Variants in ATXN2 observed in about 807,000 individuals in gnomAD.
ATXN2 encodes ataxin-2.
In ATXN2, 37 loss-of-function variants were observed where a neutral mutation model predicts 138.6. The ratio of observed to expected loss-of-function variants is 0.27; its 90% CI spans 0.21 to 0.35. ATXN2 has a LOEUF of 0.35. Ranked by LOEUF, ATXN2 falls within the 10% of genes least tolerant of loss-of-function variation. ATXN2 has a pLI of 1.00. For missense variants in ATXN2, 1,216 were observed against 1,480.3 expected (o/e 0.82, Z 2.93); for synonymous variants, 549 against 543.7 (o/e 1.01, Z -0.13).
At chr12:111,543,946 C>T (rs2135774478) in intron 5 of ATXN2, among the ~76,000 whole-genome samples, 1 of 152,208 alleles carries the variant, frequency 6.6e-6, no homozygotes, top group Middle Eastern at 3.4e-3. Flanking sequence ...GGCATAGCGG[C>T]GTGCACCTGT....
At chr12:111,510,636 T>G in intron 11 of ATXN2, 54 bp from the exon 12 acceptor site, 1 of 1,478,402 alleles carries the variant, frequency 6.8e-7, no homozygotes, top group Non-Finnish European at 9.2e-7. Context: ...TGTTACTTCC[T>G]AAAAGAGGCT....
intron 1 of ATXN2, among the ~76,000 whole-genome samples, chr12:111,592,644 G>A (rs916294591): frequency 1.3e-4 from 20 of 150,792 alleles, no homozygotes; most frequent in East Asian, 2.0e-4. Flanking sequence ...TTAGCCAGGC[G>A]TGGTGGTGTG....
chr12:111,580,728 C>T (rs1592924899), intron 1 of ATXN2, among the ~76,000 whole-genome samples: 1 of 128,734 alleles, frequency 7.8e-6, no homozygotes, highest in South Asian at 2.5e-4. Context: ...TTGGGAGAGA[C>T]AGAGAAAGAA....
At chr12:111,537,895 A>C (rs941991081) in intron 5 of ATXN2, among the ~76,000 whole-genome samples, 1 of 152,034 alleles carries the variant, frequency 6.6e-6, no homozygotes, top group Non-Finnish European at 1.5e-5. Context: ...CCAGAGTTTG[A>C]GACCAGCCTG....
intron 1 of ATXN2, among the ~76,000 whole-genome samples, chr12:111,567,867 A>C (rs1264632646): frequency 6.6e-6 from 1 of 152,202 alleles, no homozygotes; most frequent in East Asian, 1.9e-4. Context: ...GTGTTACTTA[A>C]TTAACAAGCA....
At chr12:111,525,984 C>A (rs1262842240) in intron 5 of ATXN2, among the ~76,000 whole-genome samples, 1 of 151,770 alleles carries the variant, frequency 6.6e-6, no homozygotes, top group African/African-American at 2.4e-5. Context: ...GCCCAGCCCA[C>A]ATGAAGCATA....
chr12:111,466,120 C>T (rs190721539), intron 20 of ATXN2, among the ~76,000 whole-genome samples: 50 of 150,142 alleles, frequency 3.3e-4, no homozygotes, highest in African/African-American at 1.1e-3. Context: ...GAGCTGAGAT[C>T]GCGCCACTGC....
chr12:111,539,519 G>A (rs1182907448), intron 5 of ATXN2, among the ~76,000 whole-genome samples: 1 of 150,182 alleles, frequency 6.7e-6, no homozygotes, highest in South Asian at 2.1e-4. Context: ...AGGCCGAGGC[G>A]GATGGATCAC....
intron 1 of ATXN2, among the ~76,000 whole-genome samples, chr12:111,571,495 A>C (rs1883311379): frequency 1.3e-5 from 2 of 152,242 alleles, no homozygotes; most frequent in South Asian, 2.1e-4. Flanking sequence ...AAGTATGAGG[A>C]TCTCGAATGG....
intron 6 of ATXN2, 49 bp downstream of exon 6, chr12:111,525,143 G>C (rs766335446): frequency 3.5e-5 from 55 of 1,563,974 alleles, no homozygotes; most frequent in Middle Eastern, 3.4e-4. Flanking sequence ...CAAGTGACAG[G>C]ATGTCATACT....
intron 18 of ATXN2, chr12:111,471,409 T>C (rs1267555787): frequency 6.6e-6 from 1 of 152,344 alleles, no homozygotes; most frequent in East Asian, 1.9e-4. Flanking sequence ...TTTTTCCAGT[T>C]CCTCCAGCAC....
chr12:111,453,180 C>T lies in ATXN2; in HGVS notation c.3440-340G>A. On this transcript the variant is annotated intron_variant, in intron 24 of 24. Transcript: ENST00000673436. This position sits in a 1 kb window ranked among gnomAD's most constrained non-coding sequence, Gnocchi z 5.4. ...AGACTGTGAAGTATCGCCATGGCAG[C>T]CATCAAGTAGTAGAGCACAATCACA... 1 of 1,130,848 alleles carries T rather than the reference C, an allele frequency of 8.8e-7. No individual in the cohort carries two copies. Among genetic ancestry groups the T allele is most frequent in the Non-Finnish European group, 1.1e-6 (1 of 922,062 alleles). The allele number at this position is 1,130,848 out of a possible 1,614,324, so 70.1% of individuals were successfully genotyped here. A position where few individuals can be genotyped will look rare whatever the true frequency, so the allele number is the denominator to read the frequency against.
intron 14 of ATXN2, among the ~76,000 whole-genome samples, chr12:111,489,987 G>C (rs1211909420): frequency 6.6e-6 from 1 of 151,722 alleles, no homozygotes; most frequent in Non-Finnish European, 1.5e-5. Flanking sequence ...TGGATCACTT[G>C]AGGTCAGGAG....
At chr12:111,575,906 AC>A (rs1318403416) in intron 1 of ATXN2, among the ~76,000 whole-genome samples, 1 of 151,958 alleles carries the variant, frequency 6.6e-6, no homozygotes, top group Non-Finnish European at 1.5e-5. Flanking sequence ...AGATGGTGAA[AC>A]CCTGTCTCTA....
chr12:111,503,210 G>A (rs942209824), intron 14 of ATXN2, among the ~76,000 whole-genome samples: 2 of 152,246 alleles, frequency 1.3e-5, no homozygotes, highest in Admixed American at 6.5e-5. Flanking sequence ...TTGGGGCTAT[G>A]AGCATGTCAT....
Position 111,452,519 on chromosome 12 carries a change from G to C in ATXN2, c.*293C>G. Reference sequence around the variant, plus strand: ...AGCTGATGTGTTCATGACTTTCAAGGGTTATTAAAAAATAAATAACTTCCA... The same window carrying C: ...AGCTGATGTGTTCATGACTTTCAAGCGTTATTAAAAAATAAATAACTTCCA... On this transcript the variant is annotated 3_prime_UTR_variant, in exon 25 of 25. Transcript: ENST00000673436. 1 of 325,318 alleles carries C rather than the reference G, an allele frequency of 3.1e-6. No individual in the cohort carries two copies. The highest frequency in any genetic ancestry group is 5.7e-6 in the Non-Finnish European group (1 of 176,908). The allele number at this position is 325,318 out of a possible 1,614,324, so 20.2% of individuals were successfully genotyped here. A position where few individuals can be genotyped will look rare whatever the true frequency, so the allele number is the denominator to read the frequency against.
rs34646187 is a variant in ATXN2 at position 111,588,188 on chromosome 12, AAAAT to A, written c.251+10592_251+10595del. ...AGCAACAGAGCCAGATCCTATCACA[AAAAT>A]AAATAAATAAATAAATAAATAAATA... On this transcript the variant is annotated intron_variant, in intron 1 of 24. Coordinates refer to ENST00000673436, the MANE Select transcript of ATXN2 (RefSeq NM_001372574.1). 1.4e-3 allele frequency among the ~76,000 whole-genome samples: 208 copies of A among 148,998 alleles called. 1 individual carries two copies. Among genetic ancestry groups the A allele is most frequent in the Middle Eastern group, 3.5e-3 (1 of 286 alleles).
intron 5 of ATXN2, among the ~76,000 whole-genome samples, chr12:111,537,822 G>A (rs1297453540): frequency 1.3e-5 from 2 of 152,004 alleles, no homozygotes; most frequent in Admixed American, 1.3e-4. Context: ...TGGGCTGGGA[G>A]CAGAGGTTCA....
At chr12:111,561,533 C>T (rs2135798426) in intron 1 of ATXN2, among the ~76,000 whole-genome samples, 1 of 151,882 alleles carries the variant, frequency 6.6e-6, no homozygotes, top group South Asian at 2.1e-4. Context: ...TAAAATACTA[C>T]ATAAGCAAAT....
Sources: allele counts gnomAD v4.1 joint callset (sites outside exome capture counted in the v4.1 genomes callset), GRCh38; gene constraint gnomAD v4.1.1; non-coding constraint Gnocchi (gnomAD v3.1); transcripts MANE v1.5; gene names NCBI Gene and HGNC (gene_info 2026-07-23, HGNC 2026-07-21).